The following ALCAM variants were observed in gnomAD, a reference collection of about 807,000 sequenced individuals.
ALCAM encodes activated leukocyte cell adhesion molecule, also known as CD166 antigen.
ALCAM carries 30 observed loss-of-function variants against 70.9 expected under a neutral mutation model. The ratio of observed to expected loss-of-function variants is 0.42; its 90% CI spans 0.32 to 0.57. The LOEUF (loss-of-function observed/expected upper bound fraction) is 0.57. Ranked by LOEUF, ALCAM falls within the 20% of genes least tolerant of loss-of-function variation. The probability of loss-of-function intolerance (pLI) is 0.11; values close to 1 mark genes in which losing one functional copy is unlikely to be tolerated. For synonymous variants in ALCAM, 249 were observed against 242.5 expected (o/e 1.03, Z -0.25); for missense variants, 591 against 695.1 (o/e 0.85, Z 1.68).
At chr3:105,527,419 A>G (rs2152625374) in intron 3 of ALCAM, among the ~76,000 whole-genome samples, 1 of 151,936 alleles carries the variant, frequency 6.6e-6, no homozygotes, top group Middle Eastern at 3.4e-3. Flanking sequence ...GCTAAGATTC[A>G]CTCCTCATCA....
At chr3:105,451,625 A>G (rs1898654) in intron 1 of ALCAM, among the ~76,000 whole-genome samples, 1 of 151,952 alleles carries the variant, frequency 6.6e-6, no homozygotes, top group Non-Finnish European at 1.5e-5. Context: ...AAGAGAGTCA[A>G]TAAATAATGC....
At chr3:105,437,900 G>A (rs1482672329) in intron 1 of ALCAM, among the ~76,000 whole-genome samples, 1 of 151,934 alleles carries the variant, frequency 6.6e-6, no homozygotes, top group Non-Finnish European at 1.5e-5. Flanking sequence ...GTAGGAAAAT[G>A]TATATTTTTA....
chr3:105,525,387 A>G, intron 3 of ALCAM: 2 of 976,086 alleles, frequency 2.0e-6, no homozygotes, highest in African/African-American at 3.5e-5. Flanking sequence ...TAAAACTCAA[A>G]TAAAAAGTCC....
At chr3:105,542,701 T>C (rs1940152059) in intron 8 of ALCAM, among the ~76,000 whole-genome samples, 1 of 151,990 alleles carries the variant, frequency 6.6e-6, no homozygotes, top group African/African-American at 2.4e-5. Flanking sequence ...CTCATAATAC[T>C]TTAAAAACAT....
chr3:105,403,136 G>A (rs9877002), intron 1 of ALCAM, among the ~76,000 whole-genome samples: 12,319 of 151,700 alleles, frequency 0.081, 623 homozygotes, highest in Non-Finnish European at 0.12. Flanking sequence ...CAGTAGAGAC[G>A]GGGTTTCCCC....
intron 1 of ALCAM, among the ~76,000 whole-genome samples, chr3:105,377,218 C>T (rs1461026462): frequency 6.6e-6 from 1 of 152,080 alleles, no homozygotes; most frequent in Non-Finnish European, 1.5e-5. Flanking sequence ...ACTGTACTAT[C>T]ATCATTAATG....
At chr3:105,435,613 T>C (rs1257204547) in intron 1 of ALCAM, among the ~76,000 whole-genome samples, 1 of 152,146 alleles carries the variant, frequency 6.6e-6, no homozygotes, top group African/African-American at 2.4e-5. Flanking sequence ...ATGAAATTTA[T>C]TGGGTCACAT....
At chr3:105,381,268 C>A (rs1426314132) in intron 1 of ALCAM, among the ~76,000 whole-genome samples, 4 of 151,934 alleles carry the variant, frequency 2.6e-5, no homozygotes, top group Non-Finnish European at 5.9e-5. Context: ...TACGATTATA[C>A]ACCCAACTGA....
Position 105,575,690 on chromosome 3 carries a change from A to G in ALCAM, c.*1239A>G, listed in dbSNP as rs6790496. The G allele has an allele frequency of 0.16, 24,403 of 152,326 alleles. 2,402 individuals carry two copies. Among genetic ancestry groups the G allele is most frequent in the South Asian group, 0.23 (1,097 of 4,808 alleles). 9.4% of individuals were successfully genotyped at this position (152,326 alleles called of 1,614,324 possible). ...AAATGGAAACTTTTTGAAGTAGACC[A>G]GATATGGGCTACTTGTGACTAGACT... On this transcript the variant is annotated 3_prime_UTR_variant, in exon 16 of 16. Transcript: ENST00000306107.
intron 4 of ALCAM, among the ~76,000 whole-genome samples, chr3:105,533,229 C>A (rs1204331457): frequency 1.3e-5 from 2 of 152,070 alleles, no homozygotes; most frequent in East Asian, 1.9e-4. Context: ...CCAAATTATT[C>A]TTCCGTATGA....
chr3:105,405,094 A>G (rs1217875518), intron 1 of ALCAM, among the ~76,000 whole-genome samples: 2 of 152,030 alleles, frequency 1.3e-5, no homozygotes, highest in Non-Finnish European at 2.9e-5. Flanking sequence ...CCTGACCAAC[A>G]TGGAGAAACC....
At chr3:105,367,830 C>T (rs1315072404) in intron 1 of ALCAM, among the ~76,000 whole-genome samples, 2 of 152,146 alleles carry the variant, frequency 1.3e-5, no homozygotes, top group Non-Finnish European at 2.9e-5. Flanking sequence ...CTCTGGGTAT[C>T]CAAGTCCACG....
rs1384891758 is a variant in ALCAM at position 105,571,890 on chromosome 3, T to G, written c.1703T>G (p.Met568Arg). 1 of 1,613,406 alleles carries G rather than the reference T, an allele frequency of 6.2e-7. No homozygotes were observed. Among genetic ancestry groups the G allele is most frequent in the African/African-American group, 1.3e-5 (1 of 74,888 alleles). ...SKHVNKDLGN[M>R]EENKKLEENN... ...CATGTAAACAAGGACCTCGGTAATA[T>G]GGAAGAAAACAAAAAGTTAGAAGAA... Residue 568 changes from methionine (M) to arginine (R), a missense_variant, in exon 15 of 16, where the codon ATG becomes AGG. Coordinates refer to ENST00000306107, the MANE Select transcript of ALCAM (RefSeq NM_001627.4).
chr3:105,368,262 A>AGAGAGAGAGAGAGAGAGAGAGG, intron 1 of ALCAM, among the ~76,000 whole-genome samples: 1 of 145,996 alleles, frequency 6.8e-6, no homozygotes, highest in Admixed American at 6.9e-5. Flanking sequence ...AGAGAGAGAG[A>AGAGAGAGAGAGAGAGAGAGAGG]GAAAAGGCAA....
At chr3:105,465,135 G>A (rs73185131) in intron 1 of ALCAM, among the ~76,000 whole-genome samples, 1 of 151,294 alleles carries the variant, frequency 6.6e-6, no homozygotes, top group East Asian at 1.9e-4. Flanking sequence ...GAAAAGGCTT[G>A]TGTATATTGT....
chr3:105,388,044 T>C (rs1268180685), intron 1 of ALCAM, among the ~76,000 whole-genome samples: 1 of 151,428 alleles, frequency 6.6e-6, no homozygotes, highest in East Asian at 1.9e-4. Context: ...ATAAAATAAT[T>C]GAGACATAGG....
intron 1 of ALCAM, among the ~76,000 whole-genome samples, chr3:105,371,517 C>CTTTTTTT (rs35522913): frequency 3.5e-5 from 5 of 142,538 alleles, no homozygotes; most frequent in Non-Finnish European, 4.6e-5. Context: ...AAAGATGTTT[C>CTTTTTTT]TTTTTTTTTT....
intron 1 of ALCAM, among the ~76,000 whole-genome samples, chr3:105,416,266 C>T (rs1199599454): frequency 2.0e-5 from 3 of 151,884 alleles, no homozygotes; most frequent in African/African-American, 7.3e-5. Context: ...CTTTAATGTG[C>T]CTGAAGCTGT....
chr3:105,391,816 A>G (rs1429611598), intron 1 of ALCAM, among the ~76,000 whole-genome samples: 1 of 152,100 alleles, frequency 6.6e-6, no homozygotes, highest in Non-Finnish European at 1.5e-5. Context: ...CTTTCTCTGC[A>G]TCTATTGAGA....
Sources: gnomAD v4.1 joint callset for allele counts (sites outside exome capture counted in the v4.1 genomes callset) on GRCh38, gnomAD v4.1.1 for gene constraint, MANE v1.5 for transcripts, NCBI Gene and HGNC (gene_info 2026-07-23, HGNC 2026-07-21) for gene names.